NIBAN1: variants seen among roughly 807,000 people sequenced by gnomAD.
NIBAN1 encodes the protein niban apoptosis regulator 1, also known as protein Niban 1.
In NIBAN1, 81 loss-of-function variants were observed where a neutral mutation model predicts 75.1. The ratio of observed to expected loss-of-function variants is 1.08; its 90% CI spans 0.90 to 1.30. NIBAN1 has a LOEUF of 1.30. NIBAN1 is among the 50% of genes most tolerant of loss of function. The probability of loss-of-function intolerance (pLI) is 0.00; values close to 1 mark genes in which losing one functional copy is unlikely to be tolerated. For synonymous variants in NIBAN1, 436 were observed against 424.8 expected, an observed-to-expected ratio of 1.03 and a Z score of -0.32; for missense variants, 1,133 against 1,128.1, an observed-to-expected ratio of 1.00 and a Z score of -0.06.
intron 1 of NIBAN1, among the ~76,000 whole-genome samples, chr1:184,922,197 T>TA (rs1205435608): frequency 2.6e-5 from 4 of 152,186 alleles, no homozygotes; most frequent in Non-Finnish European, 5.9e-5. Flanking sequence ...ATCACATCAG[T>TA]ATAAATAGGG....
chr1:184,854,486 A>G (rs900916916), intron 5 of NIBAN1, among the ~76,000 whole-genome samples: 1 of 152,260 alleles, frequency 6.6e-6, no homozygotes, highest in African/African-American at 2.4e-5. Flanking sequence ...TATGTGGATT[A>G]AGGTTAGTTC....
chr1:184,871,573 G>C (rs568360399), intron 5 of NIBAN1, among the ~76,000 whole-genome samples: 162 of 152,206 alleles, frequency 1.1e-3, no homozygotes, highest in African/African-American at 3.7e-3. Context: ...AAGTCACTAA[G>C]TTTGAGGTGT....
intron 1 of NIBAN1, among the ~76,000 whole-genome samples, chr1:184,927,455 G>T (rs568238266): frequency 6.6e-6 from 1 of 152,226 alleles, no homozygotes; most frequent in South Asian, 2.1e-4. Context: ...AAATTTCCTG[G>T]ATTACCAGGC....
chr1:184,825,649 A>T (rs1654822583), intron 6 of NIBAN1, among the ~76,000 whole-genome samples: 1 of 152,220 alleles, frequency 6.6e-6, no homozygotes, highest in African/African-American at 2.4e-5. Context: ...TTTCTTGTGA[A>T]TCTGAGCAGT....
At chr1:184,865,792 A>G (rs184654847) in intron 5 of NIBAN1, among the ~76,000 whole-genome samples, 1 of 152,304 alleles carries the variant, frequency 6.6e-6, no homozygotes, top group East Asian at 1.9e-4. Flanking sequence ...TGTTTTATGT[A>G]AAGGAAGGCT....
At chr1:184,810,890 T>G (rs1654357435) in intron 9 of NIBAN1, among the ~76,000 whole-genome samples, 1 of 152,210 alleles carries the variant, frequency 6.6e-6, no homozygotes, top group Non-Finnish European at 1.5e-5. Flanking sequence ...GAAGTGGAGC[T>G]TCTAGTGACT....
At chr1:184,965,738 A>G (rs969381773) in intron 1 of NIBAN1, among the ~76,000 whole-genome samples, 4 of 152,186 alleles carry the variant, frequency 2.6e-5, no homozygotes, top group African/African-American at 9.7e-5. Flanking sequence ...CTGTACAACA[A>G]GCCCCCACGG....
At chr1:184,834,978 C>G (rs1197436474) in intron 5 of NIBAN1, among the ~76,000 whole-genome samples, 1 of 152,086 alleles carries the variant, frequency 6.6e-6, no homozygotes, top group Non-Finnish European at 1.5e-5. Flanking sequence ...GGTTTTAGGT[C>G]AAACATTTAA....
intron 10 of NIBAN1, among the ~76,000 whole-genome samples, chr1:184,806,527 T>C (rs1264043167): frequency 6.6e-6 from 1 of 152,104 alleles, no homozygotes; most frequent in African/African-American, 2.4e-5. Context: ...GCAGAAGTAG[T>C]TCAGGTATCT....
chr1:184,795,589 GT>G lies in NIBAN1; in HGVS notation c.2174del (p.Asp725AlafsTer5), dbSNP rs1558092989. ...TATCTTCTTCCATCACTGGAGCAGA[GT>G]CCACTGGTACTTCCACGGACGCTGT... ...LLTASVEVPVDSAPVMEEDTN... is the reference protein window; with the variant it reads ...LLTASVEVPVXSAPVMEEDTN... On this transcript the variant is annotated frameshift_variant, in exon 14 of 14. Coordinates refer to ENST00000367511, the MANE Select transcript of NIBAN1 (RefSeq NM_052966.4). LOFTEE classifies it low-confidence loss of function (END_TRUNC). 5 of 1,614,168 alleles carry G rather than the reference GT, an allele frequency of 3.1e-6. No homozygotes were observed. The highest frequency in any genetic ancestry group is 3.4e-6 in the Non-Finnish European group (4 of 1,180,042).
intron 1 of NIBAN1, among the ~76,000 whole-genome samples, chr1:184,946,796 G>A (rs991397986): frequency 1.3e-5 from 2 of 152,152 alleles, no homozygotes; most frequent in Non-Finnish European, 2.9e-5. Context: ...GCCTTAAAAG[G>A]AGTACATGGT....
Position 184,899,290 on chromosome 1 carries a change from G to T in NIBAN1, c.75C>A (p.Ile25=). Residue 25 remains isoleucine (I), a synonymous_variant, in exon 2 of 14, where the codon ATC becomes ATA. Coordinates refer to ENST00000367511, the MANE Select transcript of NIBAN1 (RefSeq NM_052966.4). ...GACTGTAGTAGGGACTGAAGTTTTT[G>T]ATGGCAGCCTCAGTTTTCCCTAGAA... ...AYIRGKTEAA[I]KNFSPYYSRQ... The T allele has an allele frequency of 6.2e-7, 1 of 1,613,772 alleles. No homozygotes were observed. The highest frequency in any genetic ancestry group is 8.5e-7 in the Non-Finnish European group (1 of 1,179,798).
chr1:184,885,897 T>C (rs543454681), intron 4 of NIBAN1, among the ~76,000 whole-genome samples: 1 of 152,294 alleles, frequency 6.6e-6, no homozygotes, highest in East Asian at 1.9e-4. Flanking sequence ...TCATGCTTTG[T>C]AGAATTTTGT....
chr1:184,865,431 G>T (rs1655929294), intron 5 of NIBAN1, among the ~76,000 whole-genome samples: 2 of 152,002 alleles, frequency 1.3e-5, no homozygotes, highest in Admixed American at 1.3e-4. Flanking sequence ...CATATAGATG[G>T]CAACAATACA....
Position 184,886,835 on chromosome 1 carries a change from C to A in NIBAN1, c.434-2035G>T, listed in dbSNP as rs118132157. ...GTCTACAGAACCGCATCAGTTCTGG[C>A]AAATTAATAAATCAGGATTGCTCAT... On this transcript the variant is annotated intron_variant, in intron 4 of 13. Coordinates refer to ENST00000367511, the MANE Select transcript of NIBAN1 (RefSeq NM_052966.4). Among the ~76,000 whole-genome samples, 14 of 152,204 alleles carry A rather than the reference C, an allele frequency of 9.2e-5. No homozygotes were observed. The East Asian group carries it at 1.9e-3, about 21-fold the overall frequency.
intron 6 of NIBAN1, among the ~76,000 whole-genome samples, chr1:184,829,437 A>G (rs1396689134): frequency 6.6e-6 from 1 of 150,560 alleles, no homozygotes; most frequent in African/African-American, 2.4e-5. Context: ...CTCAACTCCC[A>G]GAAAGGATTT....
At chr1:184,914,324 A>G (rs575369164) in intron 1 of NIBAN1, among the ~76,000 whole-genome samples, 5 of 152,218 alleles carry the variant, frequency 3.3e-5, no homozygotes, top group Non-Finnish European at 5.9e-5. Flanking sequence ...TTCAGAGTAC[A>G]TGAAGCTCTC....
At chr1:184,887,097 G>A (rs1571548152) in intron 4 of NIBAN1, among the ~76,000 whole-genome samples, 1 of 152,152 alleles carries the variant, frequency 6.6e-6, no homozygotes, top group Non-Finnish European at 1.5e-5. Flanking sequence ...CTCCAGCCTG[G>A]GTGACAGAGC....
intron 1 of NIBAN1, among the ~76,000 whole-genome samples, chr1:184,931,239 A>G (rs1343664575): frequency 6.6e-6 from 1 of 151,944 alleles, no homozygotes; most frequent in Non-Finnish European, 1.5e-5. Flanking sequence ...ACCTCAGGTG[A>G]TCCACCCACC....
Sources: allele counts gnomAD v4.1 joint callset (sites outside exome capture counted in the v4.1 genomes callset), GRCh38; gene constraint gnomAD v4.1.1; transcripts MANE v1.5; gene names NCBI Gene and HGNC (gene_info 2026-07-23, HGNC 2026-07-21).